PEX14: variants seen among roughly 807,000 people sequenced by gnomAD.
The protein encoded by PEX14 is peroxisomal membrane protein PEX14.
Under a neutral mutation model 49.5 loss-of-function variants are expected in PEX14, and 15 were observed. That is an observed-to-expected ratio of 0.30 (90% CI 0.20 to 0.47). PEX14 has a LOEUF of 0.47. PEX14 is among the 20% of genes least tolerant of loss of function. The pLI is 1.00. For synonymous variants in PEX14, 210 were observed against 212.7 expected (o/e 0.99, Z 0.11); for missense variants, 398 against 494.8 (o/e 0.80, Z 1.86).
chr1:10,623,911 T>G lies in PEX14; in HGVS notation c.488-429T>G, dbSNP rs1013125616. Among the ~76,000 whole-genome samples, 6 of 152,116 alleles carry G rather than the reference T, an allele frequency of 3.9e-5. No individual in the cohort carries two copies. The highest frequency in any genetic ancestry group is 8.8e-5 in the Non-Finnish European group (6 of 68,020). On this transcript the variant is annotated intron_variant, in intron 6 of 8. Transcript: ENST00000356607. This position sits in a 1 kb window ranked among gnomAD's most constrained non-coding sequence, Gnocchi z 4.4. Reference sequence around the variant, plus strand: ...GGAAGGAGCAGTGGGAAACAGGACGTGCGGCTTGAGCCACTCCTGGATGTG... The same window carrying G: ...GGAAGGAGCAGTGGGAAACAGGACGGGCGGCTTGAGCCACTCCTGGATGTG...
rs1466720988 is a variant in PEX14, at chr1:10,529,962, T to A, written c.85-6251T>A. Among the ~76,000 whole-genome samples, 1 of 152,214 alleles carries A rather than the reference T, an allele frequency of 6.6e-6. No individual in the cohort carries two copies. Among genetic ancestry groups the A allele is most frequent in the Non-Finnish European group, 1.5e-5 (1 of 68,034 alleles). Reference sequence around the variant, plus strand: ...CCAAGTCGAAAGAGAGGCTCTTTCCTTTAACTCCTTGAGTGCCAGGGCACT... The same window carrying A: ...CCAAGTCGAAAGAGAGGCTCTTTCCATTAACTCCTTGAGTGCCAGGGCACT... On this transcript the variant is annotated intron_variant, in intron 2 of 8. Transcript: ENST00000356607. The surrounding 1 kb of genome is among the most constrained non-coding windows in gnomAD (Gnocchi z 4.2).
At position 10,599,289 on chromosome 1, in the gene PEX14, C is replaced by A; in HGVS notation, c.221C>A (p.Ala74Asp). ...GCCTTCCAGCAGTCGGGCACTGCTG[C>A]CGATGAGCCTTCGTCCTTGGGCCCA... ...DMAFQQSGTA[A>D]DEPSSLGPAT... The change falls in exon 4 of 9, where the codon GCC (alanine) becomes GAC (aspartate). Residue 74 changes from alanine to aspartate, a missense_variant. Physicochemically the swap from Ala to Asp is moderately radical, Grantham distance 126. Around this residue, in one of 3 missense-constraint regions of PEX14, gnomAD observed 202 missense variants for 298.5 expected, o/e 0.68. Coordinates refer to ENST00000356607, the MANE Select transcript of PEX14 (RefSeq NM_004565.3). 1 of 1,613,884 alleles carries A rather than the reference C, an allele frequency of 6.2e-7. No individual in the cohort carries two copies. Among genetic ancestry groups the A allele is most frequent in the Non-Finnish European group, 8.5e-7 (1 of 1,179,744 alleles).
chr1:10,497,168 C>G (rs185974990), intron 2 of PEX14, among the ~76,000 whole-genome samples: 42 of 152,262 alleles, frequency 2.8e-4, no homozygotes, highest in East Asian at 2.3e-3. Flanking sequence ...GCATTTGCAG[C>G]AGCCTGATTA....
At chr1:10,549,383 T>G (rs993144634) in intron 3 of PEX14, among the ~76,000 whole-genome samples, 1 of 152,216 alleles carries the variant, frequency 6.6e-6, no homozygotes, top group African/African-American at 2.4e-5. Context: ...ATTTGGGGTC[T>G]TGGCCGAAAG....
At chr1:10,626,489 T>C (rs1055582135) in intron 7 of PEX14, among the ~76,000 whole-genome samples, 20 of 152,218 alleles carry the variant, frequency 1.3e-4, no homozygotes, top group African/African-American at 4.1e-4. Flanking sequence ...GACTGCTTGC[T>C]GGGGTGAGCC....
At position 10,537,784 on chromosome 1, in the gene PEX14, A is replaced by C. The variant is rs1019503786; in HGVS notation, c.169+1487A>C. On this transcript the variant is annotated intron_variant, in intron 3 of 8. Coordinates refer to ENST00000356607, the MANE Select transcript of PEX14 (RefSeq NM_004565.3). ...TTCCCCACCGCAGGCTTTGCTGAGC[A>C]GTTTTAGTATCAGGAGCTCCATCTA... 5.9e-5 allele frequency among the ~76,000 whole-genome samples: 9 copies of C among 152,130 alleles called. 1 individual carries two copies. The highest frequency in any genetic ancestry group is 4.6e-4 in the Admixed American group (7 of 15,274).
chr1:10,489,557 A>G (rs1282869345), intron 1 of PEX14, among the ~76,000 whole-genome samples: 3 of 152,208 alleles, frequency 2.0e-5, no homozygotes, highest in African/African-American at 7.2e-5. Flanking sequence ...GAGAGTTCTA[A>G]GAAATGTCAG....
At chr1:10,599,461 AGGAGAAACTG>A in intron 4 of PEX14, 95 bp downstream of exon 4, 2 of 1,414,050 alleles carry the variant, frequency 1.4e-6, no homozygotes, top group Admixed American at 3.3e-5. Flanking sequence ...TTAGCAAACC[AGGAGAAACTG>A]GGAGCAGCAG....
In PEX14 at chr1:10,588,296, C is replaced by T. The variant is rs537787869; in HGVS notation, c.170-10942C>T. On this transcript the variant is annotated intron_variant, in intron 3 of 8. Transcript: ENST00000356607. The stretch of plus-strand genomic sequence containing the variant: ...GACTCAAGCAATCCTCTTGCCTCAT[C>T]CTCCCAAGCAGCTGGGATTATAGGT... Among the ~76,000 whole-genome samples the T allele has an allele frequency of 3.3e-5, 5 of 152,204 alleles. No homozygotes were observed. The East Asian group carries it at 9.7e-4, about 29-fold the overall frequency.
rs774127562 is a variant in PEX14 at position 10,623,176 on chromosome 1, C to T, written c.487+55C>T. 7 of 1,117,962 alleles carry T rather than the reference C, an allele frequency of 6.3e-6. No homozygotes were observed. The South Asian group carries it at 6.5e-5, about 10-fold the overall frequency. The allele number at this position is 1,117,962 out of a possible 1,614,324, so 69.3% of individuals were successfully genotyped here. A position where few individuals can be genotyped will look rare whatever the true frequency, so the allele number is the denominator to read the frequency against. ...CCTCACAGCCTTCTCCAAGCAGCCCCTTCTCTGCCCCTCCCCTCTCCCTCT... is the reference window on the plus strand; with the variant it reads ...CCTCACAGCCTTCTCCAAGCAGCCCTTTCTCTGCCCCTCCCCTCTCCCTCT... On this transcript the variant is annotated intron_variant, in intron 6 of 8. Transcript: ENST00000356607. This position sits in a 1 kb window ranked among gnomAD's most constrained non-coding sequence, Gnocchi z 4.4.
chr1:10,562,951 G>A (rs1174331433), intron 3 of PEX14, among the ~76,000 whole-genome samples: 3 of 142,716 alleles, frequency 2.1e-5, no homozygotes, highest in East Asian at 2.1e-4. Flanking sequence ...TCTCTCTGTC[G>A]CCCAGGGTGG....
intron 7 of PEX14, among the ~76,000 whole-genome samples, chr1:10,624,740 A>G (rs2124641894): frequency 6.6e-6 from 1 of 152,148 alleles, no homozygotes; most frequent in Non-Finnish European, 1.5e-5. Flanking sequence ...ACATCCCCGC[A>G]GCTCTGGAGG....
intron 1 of PEX14, among the ~76,000 whole-genome samples, chr1:10,493,409 C>T (rs1026217892): frequency 2.6e-5 from 4 of 152,128 alleles, no homozygotes; most frequent in South Asian, 2.1e-4. Flanking sequence ...TGGAGAAAAA[C>T]GGATGGATTG....
In PEX14 at chr1:10,524,795, G is replaced by GCCATCCTC. The variant is rs1638419458; in HGVS notation, c.85-11414_85-11407dup. Reference sequence around the variant, plus strand: ...TGTAACCTCAAACTCCTGAGCTCAAGCCATCCTCCCACCTAGCTCCCCAAG... The same window carrying GCCATCCTC: ...TGTAACCTCAAACTCCTGAGCTCAAGCCATCCTCCCATCCTCCCACCTAGCTCCCCAAG... On this transcript the variant is annotated intron_variant, in intron 2 of 8. Transcript: ENST00000356607. Among the ~76,000 whole-genome samples, 4 of 152,164 alleles carry GCCATCCTC rather than the reference G, an allele frequency of 2.6e-5. No individual in the cohort carries two copies. In the South Asian group the frequency reaches 8.3e-4, roughly 32 times the overall value.
chr1:10,538,762 C>T (rs1359661643), intron 3 of PEX14, among the ~76,000 whole-genome samples: 1 of 152,206 alleles, frequency 6.6e-6, no homozygotes, highest in Non-Finnish European at 1.5e-5. Context: ...CAAATTGGCT[C>T]GCTGGCCGTC....
intron 3 of PEX14, among the ~76,000 whole-genome samples, chr1:10,552,773 G>A (rs760617172): frequency 1.3e-5 from 2 of 152,152 alleles, no homozygotes; most frequent in Non-Finnish European, 2.9e-5. Context: ...GGGGGAGAGC[G>A]ATCAGTTTTG....
rs1278763056 is a variant in PEX14 at position 10,527,526 on chromosome 1, A to G, written c.85-8687A>G. Among the ~76,000 whole-genome samples, 5 of 151,718 alleles carry G rather than the reference A, an allele frequency of 3.3e-5. No individual in the cohort carries two copies. The East Asian group carries it at 7.7e-4, about 23-fold the overall frequency. On this transcript the variant is annotated intron_variant, in intron 2 of 8. Coordinates refer to ENST00000356607, the MANE Select transcript of PEX14 (RefSeq NM_004565.3). ...GCGAGACTCTGTCTCAAAAAAAAAA[A>G]AAAAGAAAAAATTTGTTTCTAAATT...
Position 10,495,609 on chromosome 1 carries a change from G to A in PEX14, c.84+288G>A, listed in dbSNP as rs1222704888. 6.6e-6 allele frequency among the ~76,000 whole-genome samples: 1 copy of A among 152,150 alleles called. No individual in the cohort carries two copies. Among genetic ancestry groups the A allele is most frequent in the Non-Finnish European group, 1.5e-5 (1 of 68,034 alleles). On this transcript the variant is annotated intron_variant, in intron 2 of 8. Coordinates refer to ENST00000356607, the MANE Select transcript of PEX14 (RefSeq NM_004565.3). This position sits in a 1 kb window ranked among gnomAD's most constrained non-coding sequence, Gnocchi z 4.2. Reference sequence around the variant, plus strand: ...CAATAGTAATTAGTGAGATTCCTGCGCCCGTGGGAGGCTGAGGTGGAGTGA... The same window carrying A: ...CAATAGTAATTAGTGAGATTCCTGCACCCGTGGGAGGCTGAGGTGGAGTGA...
chr1:10,576,681 TCTCTTTCAGGG>T (rs1214770861), intron 3 of PEX14, among the ~76,000 whole-genome samples: 1 of 152,036 alleles, frequency 6.6e-6, no homozygotes, highest in African/African-American at 2.4e-5. Context: ...CATAACAAGG[TCTCTTTCAGGG>T]ATATCTATTC....
Sources: gnomAD v4.1 joint callset for allele counts (sites outside exome capture counted in the v4.1 genomes callset) on GRCh38, gnomAD v4.1.1 for gene constraint, gnomAD v4.1.1 regional missense constraint, Gnocchi (gnomAD v3.1) non-coding constraint, MANE v1.5 for transcripts, NCBI Gene and HGNC (gene_info 2026-07-23, HGNC 2026-07-21) for gene names.